ELAPOR2: variants seen among roughly 807,000 people sequenced by gnomAD.
The protein encoded by ELAPOR2 is endosome/lysosome-associated apoptosis and autophagy regulator family member 2.
In ELAPOR2, 89 loss-of-function variants were observed where a neutral mutation model predicts 120.7. The ratio of observed to expected loss-of-function variants is 0.74; its 90% CI spans 0.62 to 0.88. The LOEUF is 0.88. ELAPOR2 is among the 40% of genes least tolerant of loss of function. The probability of loss-of-function intolerance (pLI) is 0.00; values close to 1 mark genes in which losing one functional copy is unlikely to be tolerated. For synonymous variants in ELAPOR2, 444 were observed against 444.9 expected, an observed-to-expected ratio of 1.00 and a Z score of 0.03; for missense variants, 1,134 against 1,251.6, an observed-to-expected ratio of 0.91 and a Z score of 1.42.
chr7:86,890,038 T>C (rs1036173484), intron 21 of ELAPOR2, among the ~76,000 whole-genome samples: 3 of 151,842 alleles, frequency 2.0e-5, no homozygotes, highest in African/African-American at 4.8e-5. Flanking sequence ...ATAAAGCAAA[T>C]TGATCAAATT....
intron 1 of ELAPOR2, among the ~76,000 whole-genome samples, chr7:86,978,769 G>C (rs1001168308): frequency 6.6e-6 from 1 of 152,108 alleles, no homozygotes; most frequent in Admixed American, 6.5e-5. Context: ...ATCTTGTAAG[G>C]CTATAGGAAT....
Position 86,924,222 on chromosome 7 carries a change from G to A in ELAPOR2, c.1399+1306C>T, listed in dbSNP as rs142341812. On this transcript the variant is annotated intron_variant, in intron 10 of 21. Coordinates refer to ENST00000450689, the MANE Select transcript of ELAPOR2 (RefSeq NM_001142749.3). ...GATTTATACTTTTCATTTAATCATTGATCATTACTGAAAACTAAGCAAAAT... is the reference window on the plus strand; with the variant it reads ...GATTTATACTTTTCATTTAATCATTAATCATTACTGAAAACTAAGCAAAAT... 6.1e-4 allele frequency among the ~76,000 whole-genome samples: 93 copies of A among 151,998 alleles called. 1 individual carries two copies. In the East Asian group the frequency reaches 9.1e-3, roughly 15 times the overall value.
intron 1 of ELAPOR2, among the ~76,000 whole-genome samples, chr7:86,996,627 A>C (rs1007366486): frequency 6.6e-6 from 1 of 152,202 alleles, no homozygotes; most frequent in Non-Finnish European, 1.5e-5. Flanking sequence ...AATAACTCTC[A>C]TTTCTTAAAA....
intron 1 of ELAPOR2, among the ~76,000 whole-genome samples, chr7:87,022,347 T>C (rs1381229483): frequency 5.9e-5 from 9 of 151,384 alleles, no homozygotes; most frequent in Non-Finnish European, 1.0e-4. Flanking sequence ...TTATTGTCCT[T>C]GCGATAGTTT....
intron 2 of ELAPOR2, among the ~76,000 whole-genome samples, chr7:86,951,010 T>C (rs1032816546): frequency 3.0e-4 from 45 of 152,358 alleles, no homozygotes; most frequent in African/African-American, 1.1e-3. Flanking sequence ...ATGGATCTTC[T>C]AGCAAACTCA....
intron 1 of ELAPOR2, among the ~76,000 whole-genome samples, chr7:86,996,487 A>C (rs560431987): frequency 6.6e-6 from 1 of 152,240 alleles, no homozygotes; most frequent in African/African-American, 2.4e-5. Context: ...GGGAACAAGA[A>C]GAGTATCATG....
At position 86,912,168 on chromosome 7, in the gene ELAPOR2, G is replaced by T; in HGVS notation, c.2073C>A (p.Asn691Lys). 1 of 1,612,680 alleles carries T rather than the reference G, an allele frequency of 6.2e-7. No individual in the cohort carries two copies. The highest frequency in any genetic ancestry group is 2.2e-5 in the East Asian group (1 of 44,846). Residue 691 changes from asparagine to lysine, a missense_variant, in exon 15 of 22, where the codon AAC becomes AAA. Around this residue, in one of 3 missense-constraint regions of ELAPOR2, gnomAD observed 831 missense variants for 867.6 expected, o/e 0.96. Coordinates refer to ENST00000450689, the MANE Select transcript of ELAPOR2 (RefSeq NM_001142749.3). ...ENQSLHYDFS[N>K]LSSVGSLMNG... Reference sequence around the variant, plus strand: ...TCATTAATGAGCCCACACTGCTGAGGTTGCTAAAGTCATAGTGCAAACTCT... The same window carrying T: ...TCATTAATGAGCCCACACTGCTGAGTTTGCTAAAGTCATAGTGCAAACTCT...
intron 1 of ELAPOR2, among the ~76,000 whole-genome samples, chr7:86,978,921 G>A (rs1583938585): frequency 6.6e-6 from 1 of 152,134 alleles, no homozygotes; most frequent in East Asian, 1.9e-4. Context: ...AACACTGTGA[G>A]GCAGGTACTG....
chr7:86,944,795 A>AC, intron 4 of ELAPOR2, 104 bp downstream of exon 4: 8 of 934,388 alleles, frequency 8.6e-6, no homozygotes, highest in Non-Finnish European at 1.1e-5. Context: ...CACACACACA[A>AC]AAAAAAAACT....
At chr7:86,940,863 A>T (rs1259168541) in intron 5 of ELAPOR2, among the ~76,000 whole-genome samples, 1 of 152,124 alleles carries the variant, frequency 6.6e-6, no homozygotes. Context: ...GCAGTACATT[A>T]AGTAAAAGTA....
intron 1 of ELAPOR2, among the ~76,000 whole-genome samples, chr7:87,038,519 A>C (rs1794657752): frequency 6.6e-6 from 1 of 152,210 alleles, no homozygotes; most frequent in Non-Finnish European, 1.5e-5. Context: ...TGAGTGATTA[A>C]AGAAATGCAC....
intron 10 of ELAPOR2, among the ~76,000 whole-genome samples, chr7:86,924,757 A>G (rs73196621): frequency 1.0e-4 from 13 of 124,210 alleles, no homozygotes; most frequent in Middle Eastern, 4.4e-3. Flanking sequence ...TTTTTTTTTG[A>G]ATAGATATTG....
intron 1 of ELAPOR2, among the ~76,000 whole-genome samples, chr7:87,007,460 G>T (rs530960184): frequency 9.9e-4 from 150 of 152,270 alleles, no homozygotes; most frequent in Admixed American, 2.1e-3. Flanking sequence ...AATATGAACA[G>T]ATATGGAATG....
At chr7:86,936,139 A>G (rs985896183) in intron 8 of ELAPOR2, among the ~76,000 whole-genome samples, 7 of 152,052 alleles carry the variant, frequency 4.6e-5, no homozygotes, top group Non-Finnish European at 7.4e-5. Flanking sequence ...TAGTCATTGA[A>G]CAACCCGAGA....
intron 21 of ELAPOR2, among the ~76,000 whole-genome samples, chr7:86,883,269 T>C (rs1799508690): frequency 1.3e-5 from 2 of 152,164 alleles, no homozygotes; most frequent in African/African-American, 4.8e-5. Flanking sequence ...ACCCGAGAAT[T>C]GCAGTGCAGT....
intron 21 of ELAPOR2, among the ~76,000 whole-genome samples, chr7:86,888,559 C>A (rs957842234): frequency 1.3e-5 from 2 of 152,098 alleles, no homozygotes; most frequent in African/African-American, 4.8e-5. Flanking sequence ...AATTCATTTG[C>A]CATTCCCCTT....
chr7:86,896,367 C>T (rs998708950), intron 19 of ELAPOR2, among the ~76,000 whole-genome samples: 1 of 152,058 alleles, frequency 6.6e-6, no homozygotes, highest in African/African-American at 2.4e-5. Flanking sequence ...TTGAAAAACA[C>T]CAACTTAGAG....
chr7:86,985,997 G>A (rs1792716435), intron 1 of ELAPOR2, among the ~76,000 whole-genome samples: 1 of 151,984 alleles, frequency 6.6e-6, no homozygotes, highest in Admixed American at 6.5e-5. Context: ...TGGAAAACTG[G>A]TGCAAGACAG....
intron 8 of ELAPOR2, among the ~76,000 whole-genome samples, chr7:86,931,920 G>A (rs1032994297): frequency 6.6e-6 from 1 of 151,802 alleles, no homozygotes; most frequent in African/African-American, 2.4e-5. Flanking sequence ...TTTTATTCTG[G>A]TAACTGTAAC....
Sources: gnomAD v4.1 joint callset for allele counts (sites outside exome capture counted in the v4.1 genomes callset) on GRCh38, gnomAD v4.1.1 for gene constraint, gnomAD v4.1.1 regional missense constraint, MANE v1.5 for transcripts, NCBI Gene and HGNC (gene_info 2026-07-23, HGNC 2026-07-21) for gene names.